Variants in LPAR6 observed in about 807,000 individuals in gnomAD.
LPAR6 encodes lysophosphatidic acid receptor 6.
Under a neutral mutation model 22.0 loss-of-function variants are expected in LPAR6, and 17 were observed. The ratio of observed to expected loss-of-function variants is 0.77; its 90% confidence interval spans 0.53 to 1.16. LPAR6 has a LOEUF of 1.16. Ranked by LOEUF, LPAR6 falls within the 50% of genes most tolerant of loss-of-function variation. LPAR6 has a pLI of 0.00. For missense variants in LPAR6, 384 were observed against 406.9 expected (o/e 0.94, Z 0.48); for synonymous variants, 136 against 139.8 (o/e 0.97, Z 0.19).
chr13:48,434,868 C>A (rs1000191108), intron 1 of LPAR6, among the ~76,000 whole-genome samples: 1 of 152,150 alleles, frequency 6.6e-6, no homozygotes, highest in Non-Finnish European at 1.5e-5. Context: ...TTCTGGAGAT[C>A]CATTCACGAT....
At chr13:48,443,835 G>A (rs1293520123) in intron 1 of LPAR6, among the ~76,000 whole-genome samples, 3 of 151,990 alleles carry the variant, frequency 2.0e-5, no homozygotes, top group Non-Finnish European at 4.4e-5. Flanking sequence ...AAAAAGATAA[G>A]CTGAAAAACA....
At chr13:48,432,795 T>C (rs773133397) in intron 1 of LPAR6, among the ~76,000 whole-genome samples, 1 of 152,004 alleles carries the variant, frequency 6.6e-6, no homozygotes, top group Non-Finnish European at 1.5e-5. Flanking sequence ...ATTTATAATA[T>C]AGGAGAGATA....
chr13:48,417,412 C>A (rs1049250721), upstream of LPAR6: 4 of 152,120 alleles, frequency 2.6e-5, no homozygotes, highest in African/African-American at 7.2e-5. Context: ...ACACAGAAAC[C>A]CCATTTGAAG....
At chr13:48,443,310 T>C (rs1949256023) in intron 1 of LPAR6, among the ~76,000 whole-genome samples, 2 of 151,584 alleles carry the variant, frequency 1.3e-5, no homozygotes, top group Admixed American at 6.6e-5. Flanking sequence ...AAAGAAAGAG[T>C]CATAAATATC....
chr13:48,427,094 G>A (rs1949090248), upstream of LPAR6, among the ~76,000 whole-genome samples: 1 of 152,216 alleles, frequency 6.6e-6, no homozygotes, highest in South Asian at 2.1e-4. Context: ...CCATTCATGA[G>A]GGATCCACCC....
chr13:48,398,498 GT>G (rs1948665525), intron 1 of LPAR6, among the ~76,000 whole-genome samples: 1 of 151,634 alleles, frequency 6.6e-6, no homozygotes, highest in South Asian at 2.1e-4. Context: ...TTTCTCAATA[GT>G]TTGATAGAGT....
At chr13:48,444,662 G>C (rs1949271202) in exon 1 of LPAR6, 1 of 152,340 alleles carries the variant, frequency 6.6e-6, no homozygotes, top group African/African-American at 2.4e-5. Flanking sequence ...ACACCCTCCA[G>C]AAACCTCCAT....
chr13:48,422,631 T>TA (rs1162780090), intron 2 of LPAR6: 1 of 152,002 alleles, frequency 6.6e-6, no homozygotes, highest in African/African-American at 2.4e-5. Flanking sequence ...CCTGTCTCCA[T>TA]AAAAAATTTA....
At chr13:48,431,485 C>T (rs77032154), upstream of LPAR6, among the ~76,000 whole-genome samples, 1,268 of 152,284 alleles carry the variant, frequency 8.3e-3, 5 homozygotes, top group Non-Finnish European at 0.014. Context: ...GATACTGATA[C>T]TCAAAGGTAA....
intron 1 of LPAR6, among the ~76,000 whole-genome samples, chr13:48,434,881 T>C (rs1202202627): frequency 2.6e-5 from 4 of 152,262 alleles, no homozygotes; most frequent in Non-Finnish European, 5.9e-5. Context: ...TTCACGATAT[T>C]GCATGTATCA....
intron 1 of LPAR6, among the ~76,000 whole-genome samples, chr13:48,400,275 A>G (rs1948680477): frequency 6.6e-6 from 1 of 152,064 alleles, no homozygotes; most frequent in Non-Finnish European, 1.5e-5. Flanking sequence ...CAGTGTATTA[A>G]CTCATAACTT....
intron 1 of LPAR6, among the ~76,000 whole-genome samples, chr13:48,395,556 AAC>A (rs1948641253): frequency 1.3e-5 from 2 of 151,984 alleles, no homozygotes; most frequent in South Asian, 4.1e-4. Context: ...GAACTGAAAA[AAC>A]ACAACACGAG....
chr13:48,407,875 A>G (rs921670543), downstream of LPAR6, among the ~76,000 whole-genome samples: 10 of 152,194 alleles, frequency 6.6e-5, no homozygotes, highest in African/African-American at 1.7e-4. Context: ...TGTGACATCC[A>G]GAGTTGGACT....
chr13:48,404,285 A>C (rs750826797), intron 1 of LPAR6: 1 of 152,212 alleles, frequency 6.6e-6, no homozygotes, highest in Non-Finnish European at 1.5e-5. Context: ...GAAATAGGAA[A>C]GGCAGTTCTT....
chr13:48,398,697 C>T (rs766270900), intron 1 of LPAR6, among the ~76,000 whole-genome samples: 1 of 152,044 alleles, frequency 6.6e-6, no homozygotes, highest in Non-Finnish European at 1.5e-5. Context: ...AGGTCTCTGT[C>T]ACTGTACTAC....
chr13:48,441,937 C>G (rs1949241170), intron 1 of LPAR6, among the ~76,000 whole-genome samples: 3 of 152,120 alleles, frequency 2.0e-5, no homozygotes, highest in Non-Finnish European at 4.4e-5. Context: ...TAGTCATGAG[C>G]ATTATTAATA....
chr13:48,424,745 G>T (rs997609247), intron 1 of LPAR6, among the ~76,000 whole-genome samples: 3 of 152,062 alleles, frequency 2.0e-5, no homozygotes, highest in African/African-American at 4.8e-5. Flanking sequence ...ACATATACGT[G>T]CAATTCAATT....
chr13:48,443,395 GT>G (rs1949257054), intron 1 of LPAR6, among the ~76,000 whole-genome samples: 1 of 151,908 alleles, frequency 6.6e-6, no homozygotes, highest in Non-Finnish European at 1.5e-5. Context: ...AAGAGTTTTA[GT>G]TTTAATATCT....
In LPAR6 at chr13:48,412,288, G is replaced by C. The variant is rs1188144318; in HGVS notation, c.136C>G (p.Leu46Val). ...CVAIYIFICV[L>V]KVRNETTTYM... ...GTTGTAGTTTCATTTCGGACTTTGA[G>C]GACGCAGATGAAAATGTATATGGCA... The change falls in exon 1 of 1, where the codon CTC (leucine) becomes GTC (valine). Residue 46 changes from leucine (L) to valine (V), a missense_variant. Transcript: ENST00000620633. 5 of 1,613,706 alleles carry C rather than the reference G, an allele frequency of 3.1e-6. No homozygotes were observed. In the Admixed American group the frequency reaches 5.0e-5, roughly 16 times the overall value.
Sources: allele counts gnomAD v4.1 joint callset (sites outside exome capture counted in the v4.1 genomes callset), GRCh38; gene constraint gnomAD v4.1.1; transcripts MANE v1.5; gene names NCBI Gene and HGNC (gene_info 2026-07-23, HGNC 2026-07-21).